TMTC2: variants seen among roughly 807,000 people sequenced by gnomAD.
TMTC2 encodes transmembrane O-mannosyltransferase targeting cadherins 2.
TMTC2 carries 43 observed loss-of-function variants against 82.4 expected under a neutral mutation model. That is an observed-to-expected ratio of 0.52 (90% CI 0.41 to 0.67). The LOEUF is 0.67. Among genes scored for constraint, TMTC2 ranks in the 30% least tolerant of loss-of-function variants. TMTC2 has a pLI of 0.00. For synonymous variants in TMTC2, 408 were observed against 381.9 expected, an observed-to-expected ratio of 1.07 and a Z score of -0.80; for missense variants, 919 against 1,012.4, an observed-to-expected ratio of 0.91 and a Z score of 1.25.
intron 3 of TMTC2, among the ~76,000 whole-genome samples, chr12:82,921,124 C>G (rs1359508079): frequency 6.6e-6 from 1 of 151,676 alleles, no homozygotes; most frequent in Non-Finnish European, 1.5e-5. Context: ...GAGGATAACT[C>G]ATTTGGATAA....
chr12:82,984,713 T>G (rs1879080657), intron 7 of TMTC2, among the ~76,000 whole-genome samples: 1 of 152,290 alleles, frequency 6.6e-6, no homozygotes, highest in Non-Finnish European at 1.5e-5. Flanking sequence ...CTACAATATT[T>G]AACTTAAATA....
chr12:83,113,783 A>G (rs1884669849), intron 11 of TMTC2, among the ~76,000 whole-genome samples: 1 of 152,184 alleles, frequency 6.6e-6, no homozygotes, highest in African/African-American at 2.4e-5. Context: ...ATCAGTCAGT[A>G]TGTTTACATT....
chr12:82,787,673 C>A (rs1878246686), intron 1 of TMTC2, among the ~76,000 whole-genome samples: 1 of 152,090 alleles, frequency 6.6e-6, no homozygotes, highest in Non-Finnish European at 1.5e-5. Flanking sequence ...TTTTGGGAAG[C>A]CGAGGTGGGT....
chr12:82,938,876 A>G (rs1876552124), intron 4 of TMTC2, among the ~76,000 whole-genome samples: 1 of 152,174 alleles, frequency 6.6e-6, no homozygotes. Flanking sequence ...TTCCTCCTCT[A>G]GTATAGATCT....
At chr12:82,687,738 T>G (rs1293138834) in intron 1 of TMTC2, 69 bp downstream of exon 1, 1 of 1,462,992 alleles carries the variant, frequency 6.8e-7, no homozygotes, top group Non-Finnish European at 9.4e-7. Context: ...GAAGCTTCCC[T>G]CTTTAAGGCT....
At chr12:82,851,367 G>A (rs1038341796) in intron 1 of TMTC2, among the ~76,000 whole-genome samples, 9 of 151,508 alleles carry the variant, frequency 5.9e-5, no homozygotes, top group Non-Finnish European at 2.9e-5. Flanking sequence ...AAGGTGGAGG[G>A]ATCATGCCAC....
chr12:82,904,499 G>T (rs1414832274), intron 3 of TMTC2, among the ~76,000 whole-genome samples: 1 of 152,124 alleles, frequency 6.6e-6, no homozygotes, highest in Non-Finnish European at 1.5e-5. Context: ...AGCTGATTTG[G>T]ACTATGTAAA....
intron 1 of TMTC2, among the ~76,000 whole-genome samples, chr12:82,791,453 TACTA>T (rs1229381174): frequency 6.6e-6 from 1 of 152,136 alleles, no homozygotes; most frequent in Non-Finnish European, 1.5e-5. Context: ...TCAGACCTAC[TACTA>T]ACTAACACAA....
At chr12:82,930,389 G>T in intron 3 of TMTC2, 42 bp from the exon 4 acceptor site, 1 of 1,188,208 alleles carries the variant, frequency 8.4e-7, no homozygotes. Flanking sequence ...ATGTATAATT[G>T]GATTGATGCT....
At chr12:82,925,642 T>A (rs1312106393) in intron 3 of TMTC2, among the ~76,000 whole-genome samples, 1 of 152,214 alleles carries the variant, frequency 6.6e-6, no homozygotes, top group Non-Finnish European at 1.5e-5. Flanking sequence ...ATTAATTTTT[T>A]AATTATTATA....
Position 82,896,316 on chromosome 12 carries a change from A to G in TMTC2, c.1153A>G (p.Thr385Ala). The G allele has an allele frequency of 6.2e-7, 1 of 1,614,176 alleles. No homozygotes were observed. The highest frequency in any genetic ancestry group is 8.5e-7 in the Non-Finnish European group (1 of 1,180,042). The stretch of plus-strand genomic sequence containing the variant: ...CATTAAAAACGATGTATCACAGAGA[A>G]CCCAGCTTCCTTCTACGGAGAACAT... The part of the protein sequence containing the change: ...NGIKNDVSQR[T>A]QLPSTENIVV... Residue 385 changes from threonine (T) to alanine (A), a missense_variant, in exon 3 of 12, where the codon ACC becomes GCC. By Grantham distance (58) the Thr-to-Ala change is moderately conservative. Coordinates refer to ENST00000321196, the MANE Select transcript of TMTC2 (RefSeq NM_152588.3).
chr12:82,978,248 C>T (rs1298713995), intron 7 of TMTC2, among the ~76,000 whole-genome samples: 7 of 151,528 alleles, frequency 4.6e-5, no homozygotes, highest in African/African-American at 1.7e-4. Context: ...ATATTTTTAC[C>T]TCTTTATGAA....
At chr12:82,760,903 C>A in intron 1 of TMTC2, 1 of 390,502 alleles carries the variant, frequency 2.6e-6, no homozygotes, top group South Asian at 1.8e-5. Context: ...AAAACAAGCT[C>A]AGGACTCAGG....
intron 10 of TMTC2, among the ~76,000 whole-genome samples, chr12:83,059,916 C>T (rs1290951099): frequency 6.6e-6 from 1 of 151,678 alleles, no homozygotes; most frequent in Non-Finnish European, 1.5e-5. Context: ...TTAAGTTACT[C>T]CAATTTCCTA....
At chr12:82,695,728 C>T (rs374916694) in intron 1 of TMTC2, among the ~76,000 whole-genome samples, 5 of 152,184 alleles carry the variant, frequency 3.3e-5, no homozygotes, top group East Asian at 1.9e-4. Context: ...GTGTCCTCTG[C>T]GGGGGGTGCT....
chr12:83,020,164 GT>G (rs1880849127), intron 8 of TMTC2, among the ~76,000 whole-genome samples: 1 of 152,192 alleles, frequency 6.6e-6, no homozygotes. Flanking sequence ...CATCGATTGT[GT>G]TTGTCATACT....
intron 8 of TMTC2, among the ~76,000 whole-genome samples, chr12:83,000,729 C>T (rs1158783717): frequency 2.0e-5 from 3 of 152,192 alleles, no homozygotes; most frequent in Non-Finnish European, 4.4e-5. Flanking sequence ...GACTCTGACC[C>T]CACATTTCTC....
At chr12:82,968,609 C>A (rs1471444404) in intron 7 of TMTC2, among the ~76,000 whole-genome samples, 1 of 152,144 alleles carries the variant, frequency 6.6e-6, no homozygotes, top group Admixed American at 6.5e-5. Context: ...TTCTTGGCAA[C>A]AGACTGCATG....
intron 1 of TMTC2, among the ~76,000 whole-genome samples, chr12:82,798,100 C>G (rs1472649121): frequency 6.6e-6 from 1 of 150,824 alleles, no homozygotes; most frequent in African/African-American, 2.4e-5. Flanking sequence ...AGGCTACAAG[C>G]ACCTGCCAGG....
Sources: gnomAD v4.1 joint callset for allele counts (sites outside exome capture counted in the v4.1 genomes callset) on GRCh38, gnomAD v4.1.1 for gene constraint, MANE v1.5 for transcripts, NCBI Gene and HGNC (gene_info 2026-07-23, HGNC 2026-07-21) for gene names.